IKZF2: variants seen among roughly 807,000 people sequenced by gnomAD.
IKZF2 encodes zinc finger protein Helios.
Under a neutral mutation model 49.2 loss-of-function variants are expected in IKZF2, and 15 were observed. That is an observed-to-expected ratio of 0.30 (90% CI 0.20 to 0.47). The LOEUF (loss-of-function observed/expected upper bound fraction) is 0.47, where lower values mean the gene tolerates loss of function less well. IKZF2 is among the 20% of genes least tolerant of loss of function. IKZF2 has a pLI of 1.00. For missense variants in IKZF2, 567 were observed against 664.6 expected, an observed-to-expected ratio of 0.85 and a Z score of 1.61; for synonymous variants, 227 against 221.4, an observed-to-expected ratio of 1.03 and a Z score of -0.23.
At chr2:213,078,450 G>C (rs1703529205) in intron 4 of IKZF2, among the ~76,000 whole-genome samples, 1 of 152,130 alleles carries the variant, frequency 6.6e-6, no homozygotes, top group Non-Finnish European at 1.5e-5. Context: ...ATTTAGTTCA[G>C]AGTGTTTTCA....
chr2:213,055,948 C>T lies in IKZF2; in HGVS notation c.406+885G>A, dbSNP rs1335900807. Among the ~76,000 whole-genome samples the T allele has an allele frequency of 3.3e-5, 5 of 152,136 alleles. No homozygotes were observed. The East Asian group carries it at 7.7e-4, about 23-fold the overall frequency. ...TATTAATATTTTACTGTACACTACA[C>T]TACTTTGCATTATAGTGAAAGCCAT... On this transcript the variant is annotated intron_variant, in intron 5 of 8. Transcript: ENST00000434687.
At chr2:213,149,055 A>G (rs2061179727) in intron 2 of IKZF2, among the ~76,000 whole-genome samples, 1 of 152,170 alleles carries the variant, frequency 6.6e-6, no homozygotes, top group African/African-American at 2.4e-5. Flanking sequence ...TCTATTCACA[A>G]TTGTTGCAAG....
chr2:213,047,099 T>A (rs893289778), intron 6 of IKZF2, among the ~76,000 whole-genome samples: 1 of 152,168 alleles, frequency 6.6e-6, no homozygotes, highest in Non-Finnish European at 1.5e-5. Flanking sequence ...TATATCCTAA[T>A]AGGATATGCC....
In IKZF2 at chr2:213,001,111, T is replaced by C. The variant is rs1237468248; in HGVS notation, c.*6249A>G. The C allele has an allele frequency of 1.3e-5, 2 of 151,344 alleles. No individual in the cohort carries two copies. Among genetic ancestry groups the C allele is most frequent in the Non-Finnish European group, 3.0e-5 (2 of 67,440 alleles). The allele number at this position is 151,344 out of a possible 1,614,324, so 9.4% of individuals were successfully genotyped here. A position where few individuals can be genotyped will look rare whatever the true frequency, so the allele number is the denominator to read the frequency against. ...ATAGTTTTTAAGACTTCAAGGGGAG[T>C]ATTGCACTTGTACAGAAAGAAAAGA... On this transcript the variant is annotated 3_prime_UTR_variant, in exon 9 of 9. Transcript: ENST00000434687.
intron 4 of IKZF2, among the ~76,000 whole-genome samples, chr2:213,107,200 A>G (rs940729459): frequency 3.9e-5 from 6 of 152,196 alleles, no homozygotes; most frequent in Non-Finnish European, 5.9e-5. Context: ...CTGTTAACAC[A>G]AGACAAAAAA....
At chr2:213,101,662 C>T (rs1000312181) in intron 4 of IKZF2, among the ~76,000 whole-genome samples, 3 of 151,932 alleles carry the variant, frequency 2.0e-5, no homozygotes, top group Non-Finnish European at 4.4e-5. Flanking sequence ...AAAGTACGAC[C>T]CTAACGTCTT....
At chr2:213,014,703 T>C (rs1696372541) in intron 7 of IKZF2, 1 of 152,050 alleles carries the variant, frequency 6.6e-6, no homozygotes, top group South Asian at 2.1e-4. Flanking sequence ...TGTTAGCCCT[T>C]AGACACTGAC....
chr2:213,044,278 C>A (rs1196373798), intron 6 of IKZF2, among the ~76,000 whole-genome samples: 2 of 152,190 alleles, frequency 1.3e-5, no homozygotes, highest in Admixed American at 1.3e-4. Flanking sequence ...GTAAACCCAG[C>A]CATCTTTTTG....
rs1324448886 is a variant in IKZF2, at chr2:213,006,340, T to A, written c.*1020A>T. The A allele has an allele frequency of 2.6e-5, 4 of 152,600 alleles. No individual in the cohort carries two copies. The highest frequency in any genetic ancestry group is 9.6e-5 in the African/African-American group (4 of 41,550). The allele number at this position is 152,600 out of a possible 1,614,324, so 9.5% of individuals were successfully genotyped here. A position where few individuals can be genotyped will look rare whatever the true frequency, so the allele number is the denominator to read the frequency against. On this transcript the variant is annotated 3_prime_UTR_variant, in exon 9 of 9. Coordinates refer to ENST00000434687, the MANE Select transcript of IKZF2 (RefSeq NM_001387220.1). ...AAATACCAGAAAAGGGATTTCTAAG[T>A]GGGTTTTCTCCCCCTACTGTTAGCA...
chr2:213,008,088 G>A lies in IKZF2; in HGVS notation c.857-4C>T. The A allele has an allele frequency of 6.3e-7, 1 of 1,584,926 alleles. No homozygotes were observed. Among genetic ancestry groups the A allele is most frequent in the East Asian group, 2.3e-5 (1 of 44,266 alleles). On this transcript the variant is annotated splice_polypyrimidine_tract_variant and splice_region_variant and intron_variant, in intron 8 of 8. Coordinates refer to ENST00000434687, the MANE Select transcript of IKZF2 (RefSeq NM_001387220.1). ...CTGAATCGCATGAGCTTTTCCCCTG[G>A]AAGGGAGTGGGAGGTGAAAGAAGTA...
chr2:213,059,190 T>A (rs1460259873), intron 4 of IKZF2, among the ~76,000 whole-genome samples: 1 of 151,792 alleles, frequency 6.6e-6, no homozygotes, highest in East Asian at 1.9e-4. Context: ...ATCAAAGTTG[T>A]CTGCCCATTT....
intron 7 of IKZF2, 73 bp downstream of exon 7, chr2:213,021,920 A>G: frequency 2.0e-6 from 3 of 1,465,172 alleles, no homozygotes; most frequent in Non-Finnish European, 1.8e-6. Context: ...TAAACAGCAT[A>G]AGATTTTATC....
At chr2:213,012,259 G>T (rs1696046938) in intron 8 of IKZF2, among the ~76,000 whole-genome samples, 1 of 151,616 alleles carries the variant, frequency 6.6e-6, no homozygotes, top group Non-Finnish European at 1.5e-5. Flanking sequence ...GAATCATAAT[G>T]TAATTTTCTA....
At chr2:213,010,670 C>T (rs547889665) in intron 8 of IKZF2, among the ~76,000 whole-genome samples, 8 of 152,116 alleles carry the variant, frequency 5.3e-5, no homozygotes, top group African/African-American at 1.7e-4. Context: ...GGTGTCCATA[C>T]ATGTGTGTGT....
chr2:213,056,521 T>G, intron 5 of IKZF2: 1 of 448,698 alleles, frequency 2.2e-6, no homozygotes, highest in Non-Finnish European at 4.1e-6. Context: ...AAAATATGTA[T>G]AGAAATACAA....
At chr2:213,107,804 A>G (rs1285433849) in intron 4 of IKZF2, among the ~76,000 whole-genome samples, 1 of 152,176 alleles carries the variant, frequency 6.6e-6, no homozygotes, top group Admixed American at 6.6e-5. Context: ...GAGAACTATC[A>G]AGAATACTGG....
chr2:213,125,448 G>A (rs1025278394), intron 4 of IKZF2, among the ~76,000 whole-genome samples: 1 of 152,062 alleles, frequency 6.6e-6, no homozygotes, highest in Non-Finnish European at 1.5e-5. Flanking sequence ...TCAAACATAC[G>A]TAGATACCAT....
intron 6 of IKZF2, among the ~76,000 whole-genome samples, chr2:213,045,655 A>T (rs1040701468): frequency 4.6e-5 from 7 of 152,222 alleles, no homozygotes; most frequent in African/African-American, 1.7e-4. Context: ...GATAAACTCC[A>T]AGAAAGTTCA....
At chr2:213,027,111 T>C (rs1214173039) in intron 6 of IKZF2, among the ~76,000 whole-genome samples, 1 of 152,100 alleles carries the variant, frequency 6.6e-6, no homozygotes, top group African/African-American at 2.4e-5. Flanking sequence ...GGTGATTATA[T>C]TCATATTTCT....
Sources: gnomAD v4.1 joint callset for allele counts (sites outside exome capture counted in the v4.1 genomes callset) on GRCh38, gnomAD v4.1.1 for gene constraint, MANE v1.5 for transcripts, NCBI Gene and HGNC (gene_info 2026-07-23, HGNC 2026-07-21) for gene names.